KBTBD12: variants seen among roughly 807,000 people sequenced by gnomAD.
KBTBD12 encodes kelch repeat and BTB domain containing 12, also known as kelch repeat and BTB domain-containing protein 12.
A neutral mutation model predicts 58.7 loss-of-function variants in KBTBD12; 53 were observed. That is an observed-to-expected ratio of 0.90 (90% CI 0.72 to 1.14). KBTBD12 has a LOEUF of 1.14. Ranked by LOEUF, KBTBD12 falls within the 50% of genes most tolerant of loss-of-function variation. KBTBD12 has a pLI of 0.00. For missense variants in KBTBD12, 704 were observed against 751.3 expected (o/e 0.94, Z 0.74); for synonymous variants, 236 against 259.8 (o/e 0.91, Z 0.88).
rs1939881091 is a variant in KBTBD12, at chr3:127,938,785, G to A, written c.1492+8502G>A. 2.0e-5 allele frequency among the ~76,000 whole-genome samples: 3 copies of A among 152,154 alleles called. 1 individual carries two copies. The highest frequency in any genetic ancestry group is 2.0e-4 in the Admixed American group (3 of 15,270). On this transcript the variant is annotated intron_variant, in intron 4 of 5. Coordinates refer to ENST00000405109, the MANE Select transcript of KBTBD12 (RefSeq NM_207335.4). ...CTTTAAAGCAAAATCGATTAATAGA[G>A]TTTCTGGCTCTAGGTAAAATGGAGT...
intron 4 of KBTBD12, among the ~76,000 whole-genome samples, chr3:127,935,022 A>G (rs569073329): frequency 6.6e-6 from 1 of 152,336 alleles, no homozygotes; most frequent in South Asian, 2.1e-4. Context: ...AAAGGGCTGC[A>G]TAGGACGTGT....
At chr3:127,983,099 C>T (rs1940901083) in intron 5 of KBTBD12, among the ~76,000 whole-genome samples, 1 of 152,222 alleles carries the variant, frequency 6.6e-6, no homozygotes, top group Admixed American at 6.5e-5. Flanking sequence ...ATTCATATGG[C>T]ATTGGAACAC....
chr3:127,941,887 A>G (rs1939958568), intron 4 of KBTBD12, among the ~76,000 whole-genome samples: 1 of 152,240 alleles, frequency 6.6e-6, no homozygotes, highest in South Asian at 2.1e-4. Context: ...GGCATGAGCC[A>G]TCATGCCCGG....
chr3:127,983,902 T>C (rs554387709), intron 5 of KBTBD12, among the ~76,000 whole-genome samples, 195 bp from the exon 6 acceptor site: 4 of 152,058 alleles, frequency 2.6e-5, no homozygotes, highest in African/African-American at 9.7e-5. Context: ...AGTCTTGAAC[T>C]CTCCAGCCAC....
intron 4 of KBTBD12, among the ~76,000 whole-genome samples, chr3:127,950,274 G>C (rs1468156346): frequency 8.5e-5 from 13 of 152,158 alleles, no homozygotes; most frequent in Non-Finnish European, 2.9e-5. Flanking sequence ...AATTATCTCA[G>C]GGAGGGAAGT....
chr3:127,978,281 G>C (rs1006291749), intron 5 of KBTBD12, among the ~76,000 whole-genome samples: 1 of 152,110 alleles, frequency 6.6e-6, no homozygotes, highest in African/African-American at 2.4e-5. Flanking sequence ...GGAATACTGG[G>C]TTCTAGTCAG....
intron 3 of KBTBD12, among the ~76,000 whole-genome samples, chr3:127,929,433 C>A (rs1234241740): frequency 1.3e-5 from 2 of 152,060 alleles, no homozygotes; most frequent in Non-Finnish European, 2.9e-5. Flanking sequence ...TATTAAGTTC[C>A]ACATACATGT....
intron 5 of KBTBD12, among the ~76,000 whole-genome samples, chr3:127,964,651 A>G (rs1316026012): frequency 6.6e-6 from 1 of 151,726 alleles, no homozygotes; most frequent in Non-Finnish European, 1.5e-5. Context: ...AAAAAAAAAA[A>G]AAAAAAAGAA....
intron 5 of KBTBD12, among the ~76,000 whole-genome samples, chr3:127,970,854 TAGAC>T (rs1299794255): frequency 3.9e-5 from 6 of 152,204 alleles, no homozygotes; most frequent in Non-Finnish European, 8.8e-5. Flanking sequence ...GTTCTGAAAT[TAGAC>T]AGTGGTGATG....
Position 127,985,811 on chromosome 3 carries a change from A to C in KBTBD12, c.*1533A>C, listed in dbSNP as rs987775288. The C allele has an allele frequency of 2.4e-4, 37 of 152,414 alleles. No individual in the cohort carries two copies. Among genetic ancestry groups the C allele is most frequent in the African/African-American group, 7.9e-4 (33 of 41,588 alleles). The allele number at this position is 152,414 out of a possible 1,614,324, so 9.4% of individuals were successfully genotyped here. A position where few individuals can be genotyped will look rare whatever the true frequency, so the allele number is the denominator to read the frequency against. ...CCCAAGTGCACTCACAGTACCTGGC[A>C]TGTGGGTGACCTCTTGGGTGGCCGG... On this transcript the variant is annotated 3_prime_UTR_variant, in exon 6 of 6. Coordinates refer to ENST00000405109, the MANE Select transcript of KBTBD12 (RefSeq NM_207335.4).
chr3:127,970,679 A>T (rs753301774), intron 5 of KBTBD12, among the ~76,000 whole-genome samples: 2 of 152,262 alleles, frequency 1.3e-5, no homozygotes, highest in Non-Finnish European at 2.9e-5. Flanking sequence ...GAAAGAAGGC[A>T]ATCACAAAAG....
chr3:127,950,896 G>A, intron 4 of KBTBD12, among the ~76,000 whole-genome samples: 1 of 152,104 alleles, frequency 6.6e-6, no homozygotes, highest in East Asian at 1.9e-4. Context: ...AGGTGTGGTG[G>A]CAGGTGCCTA....
intron 4 of KBTBD12, among the ~76,000 whole-genome samples, chr3:127,939,528 T>C (rs1392847955): frequency 1.3e-5 from 2 of 152,222 alleles, no homozygotes; most frequent in East Asian, 3.9e-4. Context: ...AACATTCCAG[T>C]TATAGTGATA....
intron 4 of KBTBD12, among the ~76,000 whole-genome samples, chr3:127,956,574 GT>G (rs1395737361): frequency 2.0e-5 from 3 of 152,042 alleles, no homozygotes; most frequent in African/African-American, 4.8e-5. Flanking sequence ...TTTAAAATGT[GT>G]TTGATTCTGA....
At chr3:127,979,717 T>G (rs1940842691) in intron 5 of KBTBD12, among the ~76,000 whole-genome samples, 1 of 152,240 alleles carries the variant, frequency 6.6e-6, no homozygotes. Flanking sequence ...AGCACTGGTA[T>G]CAAGGATTTA....
chr3:127,975,542 C>G (rs1211868209), intron 5 of KBTBD12, among the ~76,000 whole-genome samples: 3 of 152,184 alleles, frequency 2.0e-5, no homozygotes, highest in African/African-American at 7.2e-5. Flanking sequence ...GCAGTGATAG[C>G]AGACTGTCAT....
chr3:127,972,146 T>C (rs1283960286), intron 5 of KBTBD12, among the ~76,000 whole-genome samples: 3 of 152,242 alleles, frequency 2.0e-5, no homozygotes, highest in African/African-American at 4.8e-5. Flanking sequence ...TTGCATGTGT[T>C]AATTTATTTG....
At chr3:127,941,703 C>T (rs1341129709) in intron 4 of KBTBD12, among the ~76,000 whole-genome samples, 1 of 152,302 alleles carries the variant, frequency 6.6e-6, no homozygotes, top group African/African-American at 2.4e-5. Context: ...CGGGTTCAAG[C>T]AATTCTCCTC....
intron 4 of KBTBD12, among the ~76,000 whole-genome samples, chr3:127,937,071 C>T (rs950063371): frequency 1.3e-5 from 2 of 152,024 alleles, no homozygotes; most frequent in African/African-American, 4.8e-5. Flanking sequence ...TTATCCTAGA[C>T]CTCAAAAATC....
Sources: allele counts gnomAD v4.1 joint callset (sites outside exome capture counted in the v4.1 genomes callset), GRCh38; gene constraint gnomAD v4.1.1; transcripts MANE v1.5; gene names NCBI Gene and HGNC (gene_info 2026-07-23, HGNC 2026-07-21).